CFAP251: variants seen among roughly 807,000 people sequenced by gnomAD.
CFAP251 encodes cilia- and flagella-associated protein 251.
Under a neutral mutation model 126.7 loss-of-function variants are expected in CFAP251, and 93 were observed. The observed-to-expected ratio is 0.73, with a 90% CI of 0.62 to 0.87. CFAP251 has a LOEUF of 0.87. CFAP251 is among the 40% of genes least tolerant of loss of function. The probability of loss-of-function intolerance (pLI) is 0.00; values close to 1 mark genes in which losing one functional copy is unlikely to be tolerated. For missense variants in CFAP251, 1,287 were observed against 1,389.2 expected, an observed-to-expected ratio of 0.93 and a Z score of 1.17; for synonymous variants, 503 against 506.9, an observed-to-expected ratio of 0.99 and a Z score of 0.10.
In CFAP251 at chr12:121,942,607, G is replaced by C. The variant is rs140977068; in HGVS notation, c.1072G>C (p.Ala358Pro). ...GIMAMAMTHD[A>P]KYLATISDAE... The stretch of plus-strand genomic sequence containing the variant: ...CATGGCCATGGCCATGACCCACGAC[G>C]CCAAGTATCTGGCAACCATCTCAGA... Residue 358 changes from alanine (A) to proline (P), a missense_variant, in exon 6 of 22, where the codon GCC (alanine) becomes CCC (proline). Physicochemically the swap from Ala to Pro is conservative, Grantham distance 27. Transcript: ENST00000288912. The C allele has an allele frequency of 6.2e-7, 1 of 1,613,278 alleles. No individual in the cohort carries two copies. Among genetic ancestry groups the C allele is most frequent in the South Asian group, 1.1e-5 (1 of 91,084 alleles).
At chr12:121,920,378 C>A (rs1274046009) in intron 1 of CFAP251, among the ~76,000 whole-genome samples, 1 of 148,258 alleles carries the variant, frequency 6.7e-6, no homozygotes, top group Admixed American at 6.7e-5. Context: ...CAGGCACCAC[C>A]ACCACACCAG....
chr12:121,929,510 A>C (rs1456765406), intron 3 of CFAP251, among the ~76,000 whole-genome samples: 2 of 151,822 alleles, frequency 1.3e-5, no homozygotes, highest in Non-Finnish European at 2.9e-5. Flanking sequence ...CTAAGTCCAT[A>C]GTGTATATTG....
Position 122,003,702 on chromosome 12 carries a change from A to G in CFAP251, c.3388A>G (p.Ile1130Val). Residue 1130 changes from isoleucine (I) to valine (V), a missense_variant, in exon 22 of 22, where the codon ATA (isoleucine) becomes GTA (valine). Coordinates refer to ENST00000288912, the MANE Select transcript of CFAP251 (RefSeq NM_144668.6). ...EELPDEITAEIFATEILGLTI... is the reference protein window; with the variant it reads ...EELPDEITAEVFATEILGLTI... Reference sequence around the variant, plus strand: ...ACTTCCAGACGAAATCACTGCAGAAATATTCGCGACTGAAATTCTTGGCTT... The same window carrying G: ...ACTTCCAGACGAAATCACTGCAGAAGTATTCGCGACTGAAATTCTTGGCTT... The G allele has an allele frequency of 3.1e-6, 5 of 1,610,582 alleles. No individual in the cohort carries two copies. The highest frequency in any genetic ancestry group is 4.5e-5 in the East Asian group (2 of 44,766).
chr12:121,974,939 C>G lies in CFAP251; in HGVS notation c.2772-305C>G, dbSNP rs998852654. On this transcript the variant is annotated intron_variant, in intron 17 of 21. Coordinates refer to ENST00000288912, the MANE Select transcript of CFAP251 (RefSeq NM_144668.6). This position sits in a 1 kb window ranked among gnomAD's most constrained non-coding sequence, Gnocchi z 4.6. ...GTTTCAGAACACAGGATGCCTCCCCCACCCCCAGGAGAGACATGTTCCCCA... is the reference window on the plus strand; with the variant it reads ...GTTTCAGAACACAGGATGCCTCCCCGACCCCCAGGAGAGACATGTTCCCCA... Among the ~76,000 whole-genome samples the G allele has an allele frequency of 3.9e-5, 6 of 152,168 alleles. No individual in the cohort carries two copies. The highest frequency in any genetic ancestry group is 1.4e-4 in the African/African-American group (6 of 41,440).
At chr12:121,965,820 C>CTTCTT (rs762387390) in intron 15 of CFAP251, among the ~76,000 whole-genome samples, 1 of 143,030 alleles carries the variant, frequency 7.0e-6, no homozygotes. Flanking sequence ...TCTTCTTCTT[C>CTTCTT]TTTTTTTTTT....
At chr12:121,990,852 A>G (rs1283601673) in intron 19 of CFAP251, among the ~76,000 whole-genome samples, 2 of 152,188 alleles carry the variant, frequency 1.3e-5, no homozygotes, top group Non-Finnish European at 2.9e-5. Flanking sequence ...TTGGCGATGG[A>G]GCCTGTTAGT....
intron 3 of CFAP251, among the ~76,000 whole-genome samples, chr12:121,924,339 T>C (rs546664139): frequency 6.6e-6 from 1 of 151,734 alleles, no homozygotes; most frequent in African/African-American, 2.4e-5. Flanking sequence ...GGTCTTGAAC[T>C]CCTGACCTCA....
intron 19 of CFAP251, among the ~76,000 whole-genome samples, chr12:121,978,393 C>CAAAAAAAAAAAA (rs10642280): frequency 0.018 from 750 of 42,072 alleles, 94 homozygotes; most frequent in African/African-American, 0.02. Flanking sequence ...GACTCTGTCT[C>CAAAAAAAAAAAA]AAAAAAAAAA....
At chr12:121,942,729 G>A in intron 6 of CFAP251, 84 bp downstream of exon 6, 1 of 1,281,980 alleles carries the variant, frequency 7.8e-7, no homozygotes, top group Non-Finnish European at 1.1e-6. Context: ...TGTTCAGGCT[G>A]GGCTGTGTGA....
At chr12:121,955,018 T>C (rs1003381877) in intron 10 of CFAP251, among the ~76,000 whole-genome samples, 4 of 152,198 alleles carry the variant, frequency 2.6e-5, no homozygotes, top group African/African-American at 9.6e-5. Flanking sequence ...AGATAACATT[T>C]ACAGCTGGGA....
intron 9 of CFAP251, chr12:121,953,870 C>T (rs1221542494): frequency 4.4e-6 from 2 of 455,044 alleles, no homozygotes; most frequent in Non-Finnish European, 7.8e-6. Context: ...ATTAACCACT[C>T]TCTCGTTTGC....
At chr12:121,940,475 C>G (rs974182222) in intron 5 of CFAP251, among the ~76,000 whole-genome samples, 2 of 152,082 alleles carry the variant, frequency 1.3e-5, no homozygotes, top group Non-Finnish European at 2.9e-5. Flanking sequence ...GGGACCCTAG[C>G]GTGACATACA....
At chr12:121,942,789 C>T in intron 6 of CFAP251, 106 bp from the exon 7 acceptor site, 3 of 1,346,290 alleles carry the variant, frequency 2.2e-6, no homozygotes, top group South Asian at 2.4e-5. Context: ...GAGTCTGGGC[C>T]TCTGTCCTTA....
chr12:121,923,897 G>T lies in CFAP251; in HGVS notation c.654G>T (p.Gln218His). Reference protein sequence around the residue: ...EGQERRVSDIQSKAGISRESL... With the variant: ...EGQERRVSDIHSKAGISRESL... ...AAGAAAGGAGAGTATCCGACATCCA[G>T]TCCAAAGCAGGGATCTCCCGGGAGT... The change falls in exon 3 of 22, where the codon CAG (glutamine) becomes CAT (histidine). Residue 218 changes from glutamine (Q) to histidine (H), a missense_variant. Gln to His is a conservative substitution (Grantham distance 24, BLOSUM62 0). Transcript: ENST00000288912. 6.2e-7 allele frequency: 1 copy of T among 1,614,128 alleles called. No individual in the cohort carries two copies. Among genetic ancestry groups the T allele is most frequent in the South Asian group, 1.1e-5 (1 of 91,070 alleles).
chr12:121,936,274 T>C (rs1880891787), intron 5 of CFAP251, among the ~76,000 whole-genome samples: 1 of 152,048 alleles, frequency 6.6e-6, no homozygotes, highest in Non-Finnish European at 1.5e-5. Context: ...ATAGTGAGAC[T>C]CTGTCTCTAC....
chr12:121,930,646 T>G (rs77402508), intron 3 of CFAP251, among the ~76,000 whole-genome samples: 7,727 of 152,296 alleles, frequency 0.051, 218 homozygotes, highest in African/African-American at 0.059. Context: ...CAATACAGAA[T>G]TTTTAATTCT....
At chr12:121,922,391 C>G (rs1224207776) in intron 2 of CFAP251, among the ~76,000 whole-genome samples, 1 of 152,086 alleles carries the variant, frequency 6.6e-6, no homozygotes, top group African/African-American at 2.4e-5. Context: ...AGCCCCTGCA[C>G]CTGGCCACAA....
At chr12:121,926,787 T>C (rs1880435746) in intron 3 of CFAP251, among the ~76,000 whole-genome samples, 1 of 151,974 alleles carries the variant, frequency 6.6e-6, no homozygotes, top group Non-Finnish European at 1.5e-5. Context: ...CCACTAAAAA[T>C]ACAAAATCAG....
intron 17 of CFAP251, chr12:121,969,245 C>T (rs192486565): frequency 6.1e-6 from 6 of 985,392 alleles, no homozygotes; most frequent in East Asian, 1.1e-4. Flanking sequence ...CAAAAATAGC[C>T]GGTTAAATCT....
Sources: gnomAD v4.1 joint callset for allele counts (sites outside exome capture counted in the v4.1 genomes callset) on GRCh38, gnomAD v4.1.1 for gene constraint, Gnocchi (gnomAD v3.1) non-coding constraint, MANE v1.5 for transcripts, NCBI Gene and HGNC (gene_info 2026-07-23, HGNC 2026-07-21) for gene names.